Variants in CACNA1A observed in about 807,000 individuals in gnomAD.
CACNA1A encodes the protein voltage-dependent P/Q-type calcium channel subunit alpha-1A.
In CACNA1A, 57 loss-of-function variants were observed where a neutral mutation model predicts 262.4. That is an observed-to-expected ratio of 0.22 (90% confidence interval 0.18 to 0.27). CACNA1A has a LOEUF of 0.27. Ranked by LOEUF, CACNA1A falls within the 10% of genes least tolerant of loss-of-function variation. The pLI, the probability that CACNA1A is intolerant of heterozygous loss-of-function variation, is 1.00. For missense variants in CACNA1A, 2,526 were observed against 3,562.8 expected (o/e 0.71, Z 7.41); for synonymous variants, 1,431 against 1,419.3 (o/e 1.01, Z -0.18).
At chr19:13,252,806 T>C (rs2056438021) in intron 30 of CACNA1A, 185 bp downstream of exon 30, 2 of 460,458 alleles carry the variant, frequency 4.3e-6, no homozygotes, top group Non-Finnish European at 7.8e-6. Flanking sequence ...ACAGGTTGGG[T>C]CTCCCTGGGA....
At position 13,506,286 on chromosome 19, in the gene CACNA1A, C is replaced by T. The variant is rs1350962218; in HGVS notation, c.-62G>A. 1.5e-6 allele frequency: 2 copies of T among 1,343,468 alleles called. No individual in the cohort carries two copies. The highest frequency in any genetic ancestry group is 1.8e-5 in the South Asian group (1 of 57,068). 83.2% of individuals were successfully genotyped at this position (1,343,468 alleles called of 1,614,324 possible). A position where few individuals can be genotyped will look rare whatever the true frequency, so the allele number is the denominator to read the frequency against. Reference sequence around the variant, plus strand: ...CGAACGATGCGGAAGACGCCGCCGCCGCCGCCGCCGCCGCTGATGCTGAGG... The same window carrying T: ...CGAACGATGCGGAAGACGCCGCCGCTGCCGCCGCCGCCGCTGATGCTGAGG... On this transcript the variant is annotated 5_prime_UTR_variant, in exon 1 of 47. Transcript: ENST00000360228.
At chr19:13,275,821 G>A (rs2057134569) in intron 24 of CACNA1A, 29 bp downstream of exon 24, 2 of 1,464,900 alleles carry the variant, frequency 1.4e-6, no homozygotes, top group African/African-American at 2.8e-5. Flanking sequence ...GGGAAAAGAG[G>A]CAAGAGGAAC....
rs148455698 is a variant in CACNA1A, at chr19:13,267,148, A to AAG, written c.3990-4317_3990-4316dup. On this transcript the variant is annotated intron_variant, in intron 24 of 46. Transcript: ENST00000360228. The stretch of plus-strand genomic sequence containing the variant: ...AGAATATGAGAGAGAGAGAGAGAGA[A>AAG]AGAGAGAGAGAGAGAAAGATAGAGA... 4.0e-5 allele frequency among the ~76,000 whole-genome samples: 6 copies of AAG among 151,224 alleles called. No individual in the cohort carries two copies. In the East Asian group the frequency reaches 5.8e-4, roughly 15 times the overall value.
chr19:13,336,518 G>A (rs2058566828), intron 6 of CACNA1A, among the ~76,000 whole-genome samples: 1 of 150,386 alleles, frequency 6.6e-6, no homozygotes, highest in East Asian at 2.0e-4. Flanking sequence ...TAGCAAGAAG[G>A]AAGTAAGATG....
intron 6 of CACNA1A, among the ~76,000 whole-genome samples, chr19:13,338,985 C>G (rs2058626732): frequency 6.6e-6 from 1 of 152,108 alleles, no homozygotes; most frequent in Non-Finnish European, 1.5e-5. Context: ...CTTGCCTCAG[C>G]CTCCTGAGTA....
chr19:13,239,948 C>T (rs902164261), intron 31 of CACNA1A, among the ~76,000 whole-genome samples: 15 of 151,618 alleles, frequency 9.9e-5, no homozygotes, highest in African/African-American at 3.4e-4. Context: ...GTCAGGAGTT[C>T]GAGACCAGCC....
In CACNA1A at chr19:13,224,783, C is replaced by T; in HGVS notation, c.5626-11G>A. The T allele has an allele frequency of 6.3e-7, 1 of 1,595,932 alleles. No individual in the cohort carries two copies. Among genetic ancestry groups the T allele is most frequent in the Non-Finnish European group, 8.5e-7 (1 of 1,170,694 alleles). On this transcript the variant is annotated splice_polypyrimidine_tract_variant and intron_variant, in intron 37 of 46. Coordinates refer to ENST00000360228, the MANE Select transcript of CACNA1A (RefSeq NM_001127222.2). ...CATCCGCAGAAGCCGCTACAGAAAACCCAAGGCAAGCGCAGTCATTCCCAG... is the reference window on the plus strand; with the variant it reads ...CATCCGCAGAAGCCGCTACAGAAAATCCAAGGCAAGCGCAGTCATTCCCAG...
At chr19:13,414,560 G>A (rs768239410) in intron 3 of CACNA1A, among the ~76,000 whole-genome samples, 13 of 152,198 alleles carry the variant, frequency 8.5e-5, no homozygotes, top group Non-Finnish European at 1.6e-4. Flanking sequence ...ATGATCCCAT[G>A]ACAGCGACTG....
In CACNA1A at chr19:13,212,779, G is replaced by C. The variant is rs1478317474; in HGVS notation, c.5941-39C>G. The C allele has an allele frequency of 9.2e-7, 1 of 1,091,816 alleles. No individual in the cohort carries two copies. The highest frequency in any genetic ancestry group is 2.8e-5 in the Admixed American group (1 of 35,274). 67.6% of individuals were successfully genotyped at this position (1,091,816 alleles called of 1,614,324 possible). On this transcript the variant is annotated intron_variant, in intron 40 of 46. Coordinates refer to ENST00000360228, the MANE Select transcript of CACNA1A (RefSeq NM_001127222.2). This position sits in a 1 kb window ranked among gnomAD's most constrained non-coding sequence, Gnocchi z 5.6. ...CAGAGAGCAGTGTGTGGACAAGGGT[G>C]GGGTGGTGGGACGGTGGTACCCAGA...
chr19:13,445,472 T>A (rs1477090764), intron 3 of CACNA1A, among the ~76,000 whole-genome samples: 2 of 152,208 alleles, frequency 1.3e-5, no homozygotes, highest in African/African-American at 4.8e-5. Context: ...ACACTCATTA[T>A]CAGAAGTGTT....
chr19:13,325,100 CTT>C (rs1289480829), intron 10 of CACNA1A, among the ~76,000 whole-genome samples: 1 of 147,214 alleles, frequency 6.8e-6, no homozygotes, highest in Non-Finnish European at 1.5e-5. Context: ...CCTTCCTCCT[CTT>C]CTTCTTCCCC....
At chr19:13,437,526 A>G (rs748479285) in intron 3 of CACNA1A, among the ~76,000 whole-genome samples, 14 of 151,946 alleles carry the variant, frequency 9.2e-5, no homozygotes, top group Non-Finnish European at 1.3e-4. Context: ...CCCTGTCTCT[A>G]CTAAAAATAC....
intron 8 of CACNA1A, 107 bp from the exon 9 acceptor site, chr19:13,333,032 G>A (rs1441669337): frequency 1.2e-6 from 1 of 846,748 alleles, no homozygotes; most frequent in African/African-American, 1.6e-5. Flanking sequence ...GCTGACTGAT[G>A]GTGACAGCTC....
chr19:13,418,432 A>G (rs1249488381), intron 3 of CACNA1A, among the ~76,000 whole-genome samples: 1 of 152,128 alleles, frequency 6.6e-6, no homozygotes, highest in East Asian at 1.9e-4. Flanking sequence ...TGATGTCCTA[A>G]TCCCTGGAAT....
rs890703693 is a variant in CACNA1A at position 13,325,023 on chromosome 19, G to C, written c.1345+5221C>G. On this transcript the variant is annotated intron_variant, in intron 10 of 46. Coordinates refer to ENST00000360228, the MANE Select transcript of CACNA1A (RefSeq NM_001127222.2). ...TTATTTATCATTGTGCTTCTTCTTC[G>C]TCTTCTTCTTCCTCTTCTTCTTCCT... is the stretch of plus-strand genomic sequence containing the variant. Among the ~76,000 whole-genome samples the C allele has an allele frequency of 6.9e-5, 9 of 130,032 alleles. 1 individual carries two copies. In the South Asian group the frequency reaches 1.3e-3, roughly 19 times the overall value. 85.3% of individuals were successfully genotyped at this position (130,032 alleles called of 152,430 possible). A position where few individuals can be genotyped will look rare whatever the true frequency, so the allele number is the denominator to read the frequency against.
At chr19:13,268,496 A>T (rs890956046) in intron 24 of CACNA1A, among the ~76,000 whole-genome samples, 8 of 150,264 alleles carry the variant, frequency 5.3e-5, no homozygotes, top group Non-Finnish European at 1.0e-4. Flanking sequence ...TGCAGTGGCA[A>T]GATCTCGGCT....
chr19:13,498,360 T>G lies in CACNA1A; in HGVS notation c.293+7572A>C, dbSNP rs1348740245. On this transcript the variant is annotated intron_variant, in intron 1 of 46. Transcript: ENST00000360228. ...ATCAGTTTAAAATTACATATATTTT[T>G]TACACATAGGCCTAAAATGAGAACA... Among the ~76,000 whole-genome samples the G allele has an allele frequency of 3.3e-5, 5 of 152,302 alleles. No individual in the cohort carries two copies. In the East Asian group the frequency reaches 9.7e-4, roughly 29 times the overall value.
intron 6 of CACNA1A, among the ~76,000 whole-genome samples, chr19:13,337,940 C>A (rs1371067819): frequency 1.3e-5 from 2 of 152,166 alleles, no homozygotes; most frequent in African/African-American, 2.4e-5. Context: ...TAAAAACAGG[C>A]CGGGTGCGGT....
intron 34 of CACNA1A, among the ~76,000 whole-genome samples, chr19:13,234,519 G>T (rs1271275276): frequency 2.0e-5 from 3 of 152,088 alleles, no homozygotes; most frequent in African/African-American, 7.2e-5. Flanking sequence ...TCCTCACAGG[G>T]TGGTCAGGAA....
Sources: allele counts gnomAD v4.1 joint callset (sites outside exome capture counted in the v4.1 genomes callset), GRCh38; gene constraint gnomAD v4.1.1; non-coding constraint Gnocchi (gnomAD v3.1); transcripts MANE v1.5; gene names NCBI Gene and HGNC (gene_info 2026-07-23, HGNC 2026-07-21).